The following RANBP17 variants were observed in gnomAD, a reference collection of about 807,000 sequenced individuals.
The protein encoded by RANBP17 is ran-binding protein 17.
In RANBP17, 158 loss-of-function variants were observed where a neutral mutation model predicts 141.2. The ratio of observed to expected loss-of-function variants is 1.12; its 90% CI spans 0.98 to 1.28. The LOEUF (loss-of-function observed/expected upper bound fraction) is 1.28, where lower values mean the gene tolerates loss of function less well. Ranked by LOEUF, RANBP17 falls within the 50% of genes most tolerant of loss-of-function variation. The probability of loss-of-function intolerance (pLI) is 0.00; values close to 1 mark genes in which losing one functional copy is unlikely to be tolerated. For missense variants in RANBP17, 1,438 were observed against 1,290.7 expected, an observed-to-expected ratio of 1.11 and a Z score of -1.75; for synonymous variants, 430 against 450.0, an observed-to-expected ratio of 0.96 and a Z score of 0.56.
intron 14 of RANBP17, among the ~76,000 whole-genome samples, chr5:171,050,611 G>T (rs963023224): frequency 2.0e-5 from 3 of 152,136 alleles, no homozygotes; most frequent in African/African-American, 7.2e-5. Context: ...GGAGGCTGAG[G>T]CAGAAGGATG....
chr5:171,116,706 A>ATAT (rs1186234832), intron 14 of RANBP17, among the ~76,000 whole-genome samples: 1 of 152,134 alleles, frequency 6.6e-6, no homozygotes, highest in Non-Finnish European at 1.5e-5. Flanking sequence ...ATTGTATAAT[A>ATAT]TATTATTGTT....
Position 170,923,427 on chromosome 5 carries a change from G to A in RANBP17, c.1275-930G>A, listed in dbSNP as rs1772643255. On this transcript the variant is annotated intron_variant, in intron 11 of 27. Coordinates refer to ENST00000523189, the MANE Select transcript of RANBP17 (RefSeq NM_022897.5). The stretch of plus-strand genomic sequence containing the variant: ...TAAGCTTTGAAATCAGATAGTATGA[G>A]TTCTTTAAGTGGCTTTTCTCTTTCA... Among the ~76,000 whole-genome samples, 6 of 152,198 alleles carry A rather than the reference G, an allele frequency of 3.9e-5. 1 individual carries two copies. The South Asian group carries it at 1.2e-3, about 31-fold the overall frequency.
chr5:171,113,671 A>G (rs1193925971), intron 14 of RANBP17, among the ~76,000 whole-genome samples: 1 of 152,178 alleles, frequency 6.6e-6, no homozygotes, highest in East Asian at 1.9e-4. Context: ...TAAAAAAAGG[A>G]GCTAGGATTC....
chr5:171,175,224 A>C (rs1252341192), intron 16 of RANBP17, among the ~76,000 whole-genome samples: 2 of 152,282 alleles, frequency 1.3e-5, no homozygotes, highest in African/African-American at 4.8e-5. Flanking sequence ...GTTGGTTCCA[A>C]GTCTTCACCA....
intron 13 of RANBP17, among the ~76,000 whole-genome samples, chr5:170,963,771 A>G (rs1424842581): frequency 1.3e-5 from 2 of 152,226 alleles, no homozygotes; most frequent in South Asian, 2.1e-4. Context: ...CTAACAGGCC[A>G]CAGACTAGTA....
At chr5:170,993,021 A>G (rs974389395) in intron 14 of RANBP17, among the ~76,000 whole-genome samples, 1 of 152,028 alleles carries the variant, frequency 6.6e-6, no homozygotes, top group Admixed American at 6.6e-5. Flanking sequence ...TTTCTTTTTT[A>G]TCATCACAAG....
chr5:171,287,166 A>T (rs1768216563), intron 25 of RANBP17, among the ~76,000 whole-genome samples: 1 of 152,212 alleles, frequency 6.6e-6, no homozygotes, highest in African/African-American at 2.4e-5. Flanking sequence ...TTTGTATCCT[A>T]TTCCTCTTCC....
rs1482959682 is a variant in RANBP17 at position 170,892,467 on chromosome 5, A to G, written c.337A>G (p.Lys113Glu). 1 of 1,614,102 alleles carries G rather than the reference A, an allele frequency of 6.2e-7. No individual in the cohort carries two copies. The highest frequency in any genetic ancestry group is 1.1e-5 in the South Asian group (1 of 91,074). The change falls in exon 4 of 28, where the codon AAA becomes GAA. Residue 113 changes from lysine to glutamate, a missense_variant. Coordinates refer to ENST00000523189, the MANE Select transcript of RANBP17 (RefSeq NM_022897.5). ...CCAAGCTCTTATTCAAGTCATTGCT[A>G]AAATCACTAAGTTGGGGTGGTTTGA... The part of the protein sequence containing the change: ...VIQALIQVIA[K>E]ITKLGWFEVQ...
chr5:171,101,123 G>T (rs1341623306), intron 14 of RANBP17, among the ~76,000 whole-genome samples: 1 of 152,160 alleles, frequency 6.6e-6, no homozygotes, highest in Non-Finnish European at 1.5e-5. Flanking sequence ...GGTCTGCATG[G>T]TCCAGAGCTG....
intron 14 of RANBP17, among the ~76,000 whole-genome samples, chr5:171,142,589 A>G (rs558670446): frequency 6.6e-6 from 1 of 152,356 alleles, no homozygotes; most frequent in South Asian, 2.1e-4. Flanking sequence ...TCATCTTAGT[A>G]AATTGCCAGT....
intron 5 of RANBP17, among the ~76,000 whole-genome samples, chr5:170,901,472 C>G (rs1437473258): frequency 6.6e-6 from 1 of 152,178 alleles, no homozygotes; most frequent in Admixed American, 6.5e-5. Context: ...GACTCTTTAT[C>G]CAATTTGCCA....
chr5:171,088,768 T>C (rs530442022), intron 14 of RANBP17, among the ~76,000 whole-genome samples: 2 of 152,306 alleles, frequency 1.3e-5, no homozygotes, highest in African/African-American at 4.8e-5. Flanking sequence ...CTCCTGAGGC[T>C]TCTGCATTCT....
chr5:171,040,219 A>G (rs1782165516), intron 14 of RANBP17, among the ~76,000 whole-genome samples: 1 of 152,160 alleles, frequency 6.6e-6, no homozygotes, highest in African/African-American at 2.4e-5. Flanking sequence ...TTTCAACATA[A>G]TGCAAATCAA....
intron 14 of RANBP17, among the ~76,000 whole-genome samples, chr5:171,125,606 G>C (rs183094749): frequency 1.1e-4 from 17 of 152,240 alleles, no homozygotes; most frequent in African/African-American, 4.1e-4. Context: ...GCATTCAACA[G>C]ATCATTTAGG....
At chr5:170,932,157 C>T (rs1459631258) in intron 12 of RANBP17, among the ~76,000 whole-genome samples, 5 of 152,074 alleles carry the variant, frequency 3.3e-5, no homozygotes. Context: ...GTATTTTATT[C>T]TCTTTGAAGC....
At chr5:170,998,284 A>T (rs955308267) in intron 14 of RANBP17, among the ~76,000 whole-genome samples, 2 of 152,166 alleles carry the variant, frequency 1.3e-5, no homozygotes, top group African/African-American at 4.8e-5. Flanking sequence ...CATTTTGAAC[A>T]TAATGGTCAC....
In RANBP17 at chr5:171,109,182, G is replaced by A. The variant is rs146290060; in HGVS notation, c.1711-60948G>A. ...GGAATATGTAGACCTTAATCCACTCGGCCACATTTTTATATTAACACATCA... is the reference window on the plus strand; with the variant it reads ...GGAATATGTAGACCTTAATCCACTCAGCCACATTTTTATATTAACACATCA... On this transcript the variant is annotated intron_variant, in intron 14 of 27. Coordinates refer to ENST00000523189, the MANE Select transcript of RANBP17 (RefSeq NM_022897.5). Among the ~76,000 whole-genome samples, 288 of 152,060 alleles carry A rather than the reference G, an allele frequency of 1.9e-3. 1 individual carries two copies. Among genetic ancestry groups the A allele is most frequent in the African/African-American group, 6.1e-3 (255 of 41,482 alleles).
intron 20 of RANBP17, among the ~76,000 whole-genome samples, chr5:171,211,410 C>A (rs1277313499): frequency 6.6e-6 from 1 of 151,822 alleles, no homozygotes; most frequent in Admixed American, 6.6e-5. Flanking sequence ...TACAGGCGAG[C>A]GCCACTATGC....
At chr5:171,091,213 C>A (rs1786242128) in intron 14 of RANBP17, among the ~76,000 whole-genome samples, 1 of 152,228 alleles carries the variant, frequency 6.6e-6, no homozygotes, top group Admixed American at 6.5e-5. Context: ...TGGGAACCCA[C>A]TTCTTGCATC....
Sources: allele counts gnomAD v4.1 joint callset (sites outside exome capture counted in the v4.1 genomes callset), GRCh38; gene constraint gnomAD v4.1.1; transcripts MANE v1.5; gene names NCBI Gene and HGNC (gene_info 2026-07-23, HGNC 2026-07-21).